Variants in AANAT observed in about 807,000 individuals in gnomAD.
The protein encoded by AANAT is aralkylamine N-acetyltransferase, also known as serotonin N-acetyltransferase.
In AANAT, 11 loss-of-function variants were observed where a neutral mutation model predicts 15.6. The observed-to-expected ratio is 0.71, with a 90% CI of 0.44 to 1.17. The LOEUF is 1.17. Among genes scored for constraint, AANAT ranks in the 50% most tolerant of loss-of-function variants. The probability of loss-of-function intolerance (pLI) is 0.00; values close to 1 mark genes in which losing one functional copy is unlikely to be tolerated. For synonymous variants in AANAT, 139 were observed against 131.5 expected (o/e 1.06, Z -0.39); for missense variants, 286 against 296.3 (o/e 0.97, Z 0.26).
Position 76,470,069 on chromosome 17 carries a change from G to A in AANAT, c.*99G>A. ...GAGACAGCAGTTTCCAGAGAGTGGA[G>A]AGAGCAGGGCTAAATAAAGAGGAGA... is the stretch of plus-strand genomic sequence containing the variant. On this transcript the variant is annotated 3_prime_UTR_variant, in exon 4 of 4. Transcript: ENST00000392492. 3.1e-6 allele frequency: 4 copies of A among 1,282,668 alleles called. No homozygotes were observed. The highest frequency in any genetic ancestry group is 4.2e-6 in the Non-Finnish European group (4 of 962,162). 79.5% of individuals were successfully genotyped at this position (1,282,668 alleles called of 1,614,324 possible).
chr17:76,465,670 T>C (rs1004175168), upstream of AANAT, among the ~76,000 whole-genome samples: 1 of 151,722 alleles, frequency 6.6e-6, no homozygotes, highest in Non-Finnish European at 1.5e-5. Flanking sequence ...CCCATCACCC[T>C]GTTGGGCCCC....
chr17:76,457,780 C>T (rs2073354146), intron 1 of AANAT, among the ~76,000 whole-genome samples: 1 of 152,236 alleles, frequency 6.6e-6, no homozygotes, highest in Non-Finnish European at 1.5e-5. Flanking sequence ...TGGCTCACGC[C>T]TGTAATCCCA....
intron 1 of AANAT, among the ~76,000 whole-genome samples, chr17:76,457,584 T>C (rs2073352923): frequency 6.6e-6 from 1 of 152,230 alleles, no homozygotes; most frequent in Non-Finnish European, 1.5e-5. Context: ...TTTACATAGA[T>C]TATCAGGATA....
chr17:76,464,986 G>A (rs866242103), upstream of AANAT, among the ~76,000 whole-genome samples: 3 of 151,654 alleles, frequency 2.0e-5, no homozygotes, highest in South Asian at 2.1e-4. Context: ...TAGTAGAGAC[G>A]GAGTTTCACC....
At chr17:76,461,174 AC>A (rs1469299495) in intron 2 of AANAT, among the ~76,000 whole-genome samples, 1 of 151,500 alleles carries the variant, frequency 6.6e-6, no homozygotes. Context: ...TAAAAAAAAA[AC>A]AAAAACAAAA....
chr17:76,469,898 C>T lies in AANAT; in HGVS notation c.552C>T (p.Gly184=), dbSNP rs964215568. 2.5e-6 allele frequency: 4 copies of T among 1,574,214 alleles called. No homozygotes were observed. The Admixed American group carries it at 7.4e-5, about 29-fold the overall frequency. The change falls in exon 4 of 4, where the codon GGC becomes GGT. Residue 184 remains glycine, a synonymous_variant. Transcript: ENST00000392492. This position sits in a 1 kb window ranked among gnomAD's most constrained non-coding sequence, Gnocchi z 5.2. ...TGGGCCCCTGCGCCATCACCGTGGG[C>T]TCCCTCACCTTCATGGAGCTCCACT... ...HAVGPCAITV[G]SLTFMELHCS...
At chr17:76,458,450 A>C (rs1321507463) in intron 1 of AANAT, among the ~76,000 whole-genome samples, 1 of 152,288 alleles carries the variant, frequency 6.6e-6, no homozygotes, top group Middle Eastern at 3.4e-3. Context: ...GAGGAAAAAA[A>C]CTTGATTCCC....
intron 1 of AANAT, among the ~76,000 whole-genome samples, chr17:76,455,426 G>C (rs745758087): frequency 5.3e-5 from 8 of 152,182 alleles, no homozygotes; most frequent in Admixed American, 1.3e-4. Flanking sequence ...ACTCCAGCTT[G>C]GGTGACAGAG....
intron 2 of AANAT, among the ~76,000 whole-genome samples, chr17:76,459,966 G>A (rs1294612965): frequency 1.3e-5 from 2 of 152,086 alleles, no homozygotes; most frequent in East Asian, 3.9e-4. Flanking sequence ...TGCAAGCACG[G>A]TCATTGGACT....
At chr17:76,456,165 C>G (rs2073341045) in intron 1 of AANAT, among the ~76,000 whole-genome samples, 1 of 151,908 alleles carries the variant, frequency 6.6e-6, no homozygotes, top group African/African-American at 2.4e-5. Flanking sequence ...AACCCCATCT[C>G]TACTAAAAAT....
upstream of AANAT, among the ~76,000 whole-genome samples, chr17:76,465,005 C>G (rs916568104): frequency 6.6e-6 from 1 of 151,550 alleles, no homozygotes; most frequent in Non-Finnish European, 1.5e-5. Flanking sequence ...CCATATTGGC[C>G]AGGCTGGTCT....
intron 1 of AANAT, among the ~76,000 whole-genome samples, chr17:76,454,347 T>C (rs1443527086): frequency 6.9e-6 from 1 of 145,704 alleles, no homozygotes; most frequent in African/African-American, 2.5e-5. Flanking sequence ...TAGCTGGGCG[T>C]GGTGGCACAT....
chr17:76,457,357 T>C (rs2073351454), intron 1 of AANAT, among the ~76,000 whole-genome samples: 1 of 152,166 alleles, frequency 6.6e-6, no homozygotes, highest in African/African-American at 2.4e-5. Flanking sequence ...TCTGCTTTTG[T>C]TGTCAAAAAA....
upstream of AANAT, among the ~76,000 whole-genome samples, chr17:76,464,263 A>G (rs1383965272): frequency 6.6e-6 from 1 of 151,464 alleles, no homozygotes; most frequent in Non-Finnish European, 1.5e-5. Flanking sequence ...AATTGCTTGA[A>G]CCTGGGAGGC....
At chr17:76,467,042 G>A (rs536115333), upstream of AANAT, among the ~76,000 whole-genome samples, 50 of 152,176 alleles carry the variant, frequency 3.3e-4, no homozygotes, top group African/African-American at 1.2e-3. Flanking sequence ...GGAGGGCAGG[G>A]GGTAGTCAGA....
At chr17:76,457,615 C>G (rs1452169289) in intron 1 of AANAT, among the ~76,000 whole-genome samples, 1 of 152,186 alleles carries the variant, frequency 6.6e-6, no homozygotes. Flanking sequence ...GGAGGTAAGA[C>G]TCCTTGATTT....
chr17:76,459,703 A>G (rs1418269507), intron 2 of AANAT, among the ~76,000 whole-genome samples: 1 of 152,030 alleles, frequency 6.6e-6, no homozygotes, highest in African/African-American at 2.4e-5. Context: ...AAGTTATTTT[A>G]CTCTCTAAGC....
intron 2 of AANAT, among the ~76,000 whole-genome samples, chr17:76,461,386 C>T (rs1343048906): frequency 6.6e-6 from 1 of 151,278 alleles, no homozygotes; most frequent in Non-Finnish European, 1.5e-5. Flanking sequence ...ATGCCTCCCC[C>T]AACCACTGAC....
chr17:76,463,281 C>T (rs1450966307), upstream of AANAT, among the ~76,000 whole-genome samples: 1 of 150,384 alleles, frequency 6.6e-6, no homozygotes, highest in East Asian at 1.9e-4. Flanking sequence ...CTGGCCTCTC[C>T]ACCCATTTCT....
Sources: gnomAD v4.1 joint callset for allele counts (sites outside exome capture counted in the v4.1 genomes callset) on GRCh38, gnomAD v4.1.1 for gene constraint, Gnocchi (gnomAD v3.1) non-coding constraint, MANE v1.5 for transcripts, NCBI Gene and HGNC (gene_info 2026-07-23, HGNC 2026-07-21) for gene names.